EDA: variants seen among roughly 807,000 people sequenced by gnomAD.
EDA encodes the protein ectodysplasin-A.
In EDA, 2 loss-of-function variants were observed where a neutral mutation model predicts 23.6. That is an observed-to-expected ratio of 0.08 (90% CI 0.03 to 0.27). The LOEUF is 0.27. Ranked by LOEUF, EDA falls within the 10% of genes least tolerant of loss-of-function variation. The probability of loss-of-function intolerance (pLI) is 1.00; values close to 1 mark genes in which losing one functional copy is unlikely to be tolerated. For synonymous variants in EDA, 131 were observed against 132.0 expected, an observed-to-expected ratio of 0.99 and a Z score of 0.05; for missense variants, 229 against 324.2, an observed-to-expected ratio of 0.71 and a Z score of 2.26.
intron 1 of EDA, among the ~76,000 whole-genome samples, chrX:69,890,339 T>A (rs2147630575): frequency 9.0e-6 from 1 of 110,511 alleles, no homozygotes; most frequent in Admixed American, 9.7e-5. Flanking sequence ...TCACATTAAA[T>A]TACCAGTGAT....
chrX:69,627,427 G>A (rs535629538), intron 1 of EDA, among the ~76,000 whole-genome samples: 5 of 111,081 alleles, frequency 4.5e-5, no homozygotes, highest in African/African-American at 9.8e-5. Flanking sequence ...CAGATCATCC[G>A]TGGCAGTGGT....
At chrX:69,897,799 C>T (rs12849239) in intron 1 of EDA, among the ~76,000 whole-genome samples, 34,041 of 110,725 alleles carry the variant, frequency 0.31, 4,913 homozygotes, top group Middle Eastern at 0.55. Flanking sequence ...TCTAGTGCAA[C>T]GTGTCAGAGC....
Position 69,617,017 on chromosome X carries a change from G to A in EDA, c.396+313G>A, listed in dbSNP as rs574017720. ...GAGGTGCCTGCGCTGCCCCCCGGCC[G>A]ACTAACGGCTTGGCCCTTCTGCTCG... On this transcript the variant is annotated intron_variant, in intron 1 of 7. Coordinates refer to ENST00000374552, the MANE Select transcript of EDA (RefSeq NM_001399.5). The A allele has an allele frequency of 2.8e-3, 1,174 of 420,717 alleles. 5 individuals are homozygous for A. Among genetic ancestry groups the A allele is most frequent in the South Asian group, 0.024 (537 of 22,659 alleles). The allele number at this position is 420,717 out of a possible 1,213,427, so 34.7% of individuals were successfully genotyped here. A position where few individuals can be genotyped will look rare whatever the true frequency, so the allele number is the denominator to read the frequency against.
At chrX:69,748,906 G>A (rs1007420167) in intron 1 of EDA, among the ~76,000 whole-genome samples, 4 of 111,659 alleles carry the variant, frequency 3.6e-5, no homozygotes, top group African/African-American at 1.3e-4. Context: ...GAGGCAAATC[G>A]AAGAAATGTA....
intron 3 of EDA, among the ~76,000 whole-genome samples, chrX:70,025,281 G>A (rs190538427): frequency 1.8e-5 from 2 of 111,522 alleles, no homozygotes; most frequent in Non-Finnish European, 3.8e-5. Flanking sequence ...ATTCTTGAAG[G>A]TGAAGTTTGT....
chrX:69,864,353 G>A (rs1481687586), intron 1 of EDA, among the ~76,000 whole-genome samples: 2 of 110,898 alleles, frequency 1.8e-5, no homozygotes, highest in Non-Finnish European at 3.8e-5. Flanking sequence ...GGACCCAGAA[G>A]AGAAATAACA....
chrX:69,644,487 CAGCTTAAG>C (rs371074214), intron 1 of EDA, among the ~76,000 whole-genome samples: 4 of 111,488 alleles, frequency 3.6e-5, no homozygotes, highest in Admixed American at 1.9e-4. Context: ...AGTTGTTTAT[CAGCTTAAG>C]AGCTTAAGGA....
At chrX:69,924,798 A>G (rs768301541) in intron 1 of EDA, among the ~76,000 whole-genome samples, 2 of 111,497 alleles carry the variant, frequency 1.8e-5, no homozygotes, top group Admixed American at 9.6e-5. Context: ...TGTTTTTCCA[A>G]TTGTTTGTGT....
At chrX:69,917,187 A>G (rs1427386795) in intron 1 of EDA, among the ~76,000 whole-genome samples, 10 of 109,441 alleles carry the variant, frequency 9.1e-5, no homozygotes, top group Non-Finnish European at 1.5e-4. Context: ...CCACCCACCT[A>G]GGCTTCCCAA....
chrX:69,874,533 C>A (rs748878250), intron 1 of EDA, among the ~76,000 whole-genome samples: 18 of 111,320 alleles, frequency 1.6e-4, no homozygotes, highest in Non-Finnish European at 1.9e-5. Flanking sequence ...CCACAGCCAA[C>A]ATTATACTGA....
At chrX:69,995,756 G>T (rs1184933651) in intron 2 of EDA, among the ~76,000 whole-genome samples, 2 of 112,402 alleles carry the variant, frequency 1.8e-5, no homozygotes, top group East Asian at 2.8e-4. Context: ...AGGCAAATTA[G>T]TTTGTTGCTG....
intron 1 of EDA, among the ~76,000 whole-genome samples, chrX:69,634,225 C>T (rs1200386284): frequency 8.9e-6 from 1 of 112,070 alleles, no homozygotes; most frequent in Non-Finnish European, 1.9e-5. Context: ...TTTTGAATTG[C>T]AAGAGTTCTT....
intron 1 of EDA, among the ~76,000 whole-genome samples, chrX:69,851,718 A>C (rs1394442260): frequency 8.9e-6 from 1 of 112,078 alleles, no homozygotes; most frequent in African/African-American, 3.2e-5. Context: ...ACAACTGGAA[A>C]TGAAGGCAGA....
At chrX:70,026,908 C>T (rs1381599085) in intron 3 of EDA, among the ~76,000 whole-genome samples, 2 of 109,805 alleles carry the variant, frequency 1.8e-5, no homozygotes, top group African/African-American at 3.3e-5. Context: ...TCCAAAACTC[C>T]TTCCCATTCC....
chrX:69,770,497 C>A (rs1199879158), intron 1 of EDA, among the ~76,000 whole-genome samples: 2 of 111,977 alleles, frequency 1.8e-5, no homozygotes, highest in East Asian at 5.6e-4. Context: ...TGTGGCAGAA[C>A]ATCTTTTCAT....
chrX:69,742,513 A>G (rs1407125250), intron 1 of EDA, among the ~76,000 whole-genome samples: 2 of 112,218 alleles, frequency 1.8e-5, no homozygotes, highest in East Asian at 5.6e-4. Context: ...CATTTTCTGT[A>G]TGCTTTTAGG....
chrX:69,949,069 T>C (rs1332792865), intron 1 of EDA, among the ~76,000 whole-genome samples: 1 of 111,826 alleles, frequency 8.9e-6, no homozygotes, highest in Non-Finnish European at 1.9e-5. Context: ...TGATAGGTCA[T>C]GGATGATGAT....
intron 1 of EDA, among the ~76,000 whole-genome samples, chrX:69,954,896 C>T (rs1320647295): frequency 1.8e-5 from 2 of 111,884 alleles, no homozygotes; most frequent in Non-Finnish European, 3.8e-5. Context: ...CATTTAGCTC[C>T]CACTTACAAG....
At chrX:69,694,775 A>G (rs1456814018) in intron 1 of EDA, among the ~76,000 whole-genome samples, 2 of 112,235 alleles carry the variant, frequency 1.8e-5, no homozygotes, top group African/African-American at 6.5e-5. Context: ...ATTTTATACA[A>G]TTTCTGAAAC....
Sources: allele counts gnomAD v4.1 joint callset (sites outside exome capture counted in the v4.1 genomes callset), GRCh38; gene constraint gnomAD v4.1.1; transcripts MANE v1.5; gene names NCBI Gene and HGNC (gene_info 2026-07-23, HGNC 2026-07-21).